Variants in UBAC2 observed in about 807,000 individuals in gnomAD.
The protein encoded by UBAC2 is UBA domain containing 2, also known as ubiquitin-associated domain-containing protein 2.
Under a neutral mutation model 44.0 loss-of-function variants are expected in UBAC2, and 26 were observed. That is an observed-to-expected ratio of 0.59 (90% confidence interval 0.43 to 0.82). UBAC2 has a LOEUF of 0.82. Among genes scored for constraint, UBAC2 ranks in the 40% least tolerant of loss-of-function variants. The pLI, the probability that UBAC2 is intolerant of heterozygous loss-of-function variation, is 0.00. For synonymous variants in UBAC2, 155 were observed against 154.3 expected, an observed-to-expected ratio of 1.00 and a Z score of -0.04; for missense variants, 329 against 419.4, an observed-to-expected ratio of 0.78 and a Z score of 1.88.
intron 1 of UBAC2, among the ~76,000 whole-genome samples, chr13:99,210,747 G>A (rs1480203892): frequency 2.0e-5 from 3 of 152,092 alleles, no homozygotes; most frequent in African/African-American, 7.2e-5. Context: ...AAAGTGCTGG[G>A]ATTACAGGCT....
intron 2 of UBAC2, among the ~76,000 whole-genome samples, chr13:99,243,192 A>G (rs1354750117): frequency 1.3e-5 from 2 of 151,952 alleles, no homozygotes; most frequent in East Asian, 1.9e-4. Context: ...AAAAATCTGA[A>G]AAATGTTTAA....
intron 1 of UBAC2, among the ~76,000 whole-genome samples, chr13:99,223,168 T>G (rs2043069957): frequency 6.6e-6 from 1 of 152,198 alleles, no homozygotes. Flanking sequence ...AATTTAGTTG[T>G]GATAAGACAT....
At chr13:99,256,023 G>A in intron 4 of UBAC2, 2 of 655,520 alleles carry the variant, frequency 3.1e-6, no homozygotes, top group Non-Finnish European at 5.1e-6. Flanking sequence ...ATTTAATCAA[G>A]GAACGATTCA....
intron 4 of UBAC2, among the ~76,000 whole-genome samples, chr13:99,288,637 A>G (rs1333344338): frequency 6.6e-6 from 1 of 152,044 alleles, no homozygotes; most frequent in East Asian, 1.9e-4. Context: ...CTCCTCTTAT[A>G]CTCTCAACAG....
At chr13:99,218,469 A>G (rs1214299094) in intron 1 of UBAC2, among the ~76,000 whole-genome samples, 2 of 150,130 alleles carry the variant, frequency 1.3e-5, no homozygotes, top group African/African-American at 4.9e-5. Context: ...TTGTATCTAG[A>G]GGGTAAGTCC....
chr13:99,338,609 A>T (rs1251756379), intron 6 of UBAC2, among the ~76,000 whole-genome samples: 1 of 152,076 alleles, frequency 6.6e-6, no homozygotes, highest in Admixed American at 6.5e-5. Flanking sequence ...TGGACCTTGG[A>T]GTTTGTTTCT....
chr13:99,240,816 C>T (rs1254379594), intron 2 of UBAC2, among the ~76,000 whole-genome samples: 1 of 152,192 alleles, frequency 6.6e-6, no homozygotes, highest in Non-Finnish European at 1.5e-5. Flanking sequence ...ATGACAAAGA[C>T]TCTGCCTGGT....
intron 6 of UBAC2, among the ~76,000 whole-genome samples, chr13:99,339,656 A>G (rs1050570179): frequency 3.3e-5 from 5 of 151,576 alleles, no homozygotes; most frequent in Non-Finnish European, 5.9e-5. Flanking sequence ...TTTTTTTACA[A>G]AGGAATAGCC....
chr13:99,321,951 T>G (rs2044574029), intron 6 of UBAC2, among the ~76,000 whole-genome samples: 3 of 152,254 alleles, frequency 2.0e-5, no homozygotes. Context: ...TAAAGATGAC[T>G]GTAAGATTAT....
intron 4 of UBAC2, among the ~76,000 whole-genome samples, chr13:99,268,054 G>A (rs540128104): frequency 9.8e-5 from 15 of 152,290 alleles, no homozygotes; most frequent in African/African-American, 3.6e-4. Context: ...GGGCATGCAG[G>A]AGGAGGGATT....
At chr13:99,344,964 T>C (rs1415225653) in intron 7 of UBAC2, among the ~76,000 whole-genome samples, 2 of 152,178 alleles carry the variant, frequency 1.3e-5, no homozygotes, top group East Asian at 3.8e-4. Flanking sequence ...CAAGGAAATA[T>C]TTACTGAAGC....
chr13:99,241,799 G>T (rs2043303565), intron 2 of UBAC2, among the ~76,000 whole-genome samples: 1 of 146,766 alleles, frequency 6.8e-6, no homozygotes, highest in Non-Finnish European at 1.5e-5. Flanking sequence ...GGATTTGGCA[G>T]GGTCATAGGA....
intron 1 of UBAC2, among the ~76,000 whole-genome samples, chr13:99,206,470 G>T (rs1187754996): frequency 3.3e-5 from 5 of 152,188 alleles, no homozygotes; most frequent in Non-Finnish European, 7.3e-5. Flanking sequence ...CGCTTCCCTG[G>T]CTTTGCTCAC....
At chr13:99,255,585 A>C in intron 4 of UBAC2, 1 of 1,614,230 alleles carries the variant, frequency 6.2e-7, no homozygotes, top group Non-Finnish European at 8.5e-7. Flanking sequence ...GAGCTCCAAG[A>C]ATCTGGCAGA....
Position 99,308,432 on chromosome 13 carries a change from G to A in UBAC2, c.390-5665G>A, listed in dbSNP as rs143213155. Among the ~76,000 whole-genome samples, 363 of 152,302 alleles carry A rather than the reference G, an allele frequency of 2.4e-3. 4 individuals are homozygous for A. The highest frequency in any genetic ancestry group is 0.011 in the South Asian group (52 of 4,826). ...AGTCTTCCTAACTCCAGAGACTAGC[G>A]GGAGGGTCAGTAAGAAGTTACTGGA... is the stretch of plus-strand genomic sequence containing the variant. On this transcript the variant is annotated intron_variant, in intron 4 of 8. Transcript: ENST00000403766.
rs549135507 is a variant in UBAC2, at chr13:99,240,205, C to A, written c.159+1651C>A. On this transcript the variant is annotated intron_variant, in intron 2 of 8. Coordinates refer to ENST00000403766, the MANE Select transcript of UBAC2 (RefSeq NM_001144072.2). ...TTTTCTTTAGGTTGAGTTGCAGAAG[C>A]AGTGCTTTGCTGAGTGCAAGCCGGT... Among the ~76,000 whole-genome samples, 20 of 152,268 alleles carry A rather than the reference C, an allele frequency of 1.3e-4. 1 individual carries two copies. The highest frequency in any genetic ancestry group is 6.8e-3 in the Middle Eastern group (2 of 294).
intron 4 of UBAC2, chr13:99,258,250 T>A (rs1248395911): frequency 6.6e-6 from 1 of 152,242 alleles, no homozygotes; most frequent in East Asian, 1.9e-4. Context: ...TTAAAATAGC[T>A]CTTTCTGGAA....
At chr13:99,300,169 G>A (rs1331039721) in intron 4 of UBAC2, among the ~76,000 whole-genome samples, 3 of 152,240 alleles carry the variant, frequency 2.0e-5, no homozygotes, top group African/African-American at 7.2e-5. Context: ...CAAATGGGAA[G>A]CCACTTGTGG....
At chr13:99,350,853 A>G (rs1359125947) in intron 7 of UBAC2, among the ~76,000 whole-genome samples, 1 of 152,168 alleles carries the variant, frequency 6.6e-6, no homozygotes, top group African/African-American at 2.4e-5. Context: ...CTCTGATGTT[A>G]TCTCCTGGGA....
Sources: allele counts gnomAD v4.1 joint callset (sites outside exome capture counted in the v4.1 genomes callset), GRCh38; gene constraint gnomAD v4.1.1; transcripts MANE v1.5; gene names NCBI Gene and HGNC (gene_info 2026-07-23, HGNC 2026-07-21).